MYCBP2: variants seen among roughly 807,000 people sequenced by gnomAD.
MYCBP2 encodes MYC binding protein 2.
MYCBP2 carries 120 observed loss-of-function variants against 525.3 expected under a neutral mutation model. The observed-to-expected ratio is 0.23, with a 90% CI of 0.20 to 0.27. The LOEUF is 0.27. Ranked by LOEUF, MYCBP2 falls within the 10% of genes least tolerant of loss-of-function variation. The pLI is 1.00. For synonymous variants in MYCBP2, 1,894 were observed against 1,955.8 expected, an observed-to-expected ratio of 0.97 and a Z score of 0.83; for missense variants, 4,149 against 5,657.1, an observed-to-expected ratio of 0.73 and a Z score of 8.55.
At chr13:77,173,381 T>C (rs1427054684) in intron 37 of MYCBP2, among the ~76,000 whole-genome samples, 4 of 152,224 alleles carry the variant, frequency 2.6e-5, no homozygotes, top group Non-Finnish European at 5.9e-5. Flanking sequence ...TAATGTACTA[T>C]TTATTGTAGT....
intron 27 of MYCBP2, among the ~76,000 whole-genome samples, chr13:77,192,509 T>C (rs1269078492): frequency 1.3e-5 from 2 of 152,126 alleles, no homozygotes; most frequent in Non-Finnish European, 1.5e-5. Flanking sequence ...GGAAGGAATG[T>C]TTATTGGTTG....
chr13:77,244,982 T>C (rs1055673120), intron 15 of MYCBP2, among the ~76,000 whole-genome samples: 1 of 152,172 alleles, frequency 6.6e-6, no homozygotes, highest in African/African-American at 2.4e-5. Flanking sequence ...CGAAGACATT[T>C]ATGCAGCCAA....
chr13:77,193,458 T>C (rs2061478257), intron 27 of MYCBP2, among the ~76,000 whole-genome samples: 1 of 152,132 alleles, frequency 6.6e-6, no homozygotes, highest in Non-Finnish European at 1.5e-5. Context: ...CCTAACATAG[T>C]TATTGTTGGG....
Position 77,166,160 on chromosome 13 carries a change from C to T in MYCBP2, c.6340+169G>A, listed in dbSNP as rs538654433. Among the ~76,000 whole-genome samples the T allele has an allele frequency of 4.6e-5, 7 of 152,252 alleles. No homozygotes were observed. In the South Asian group the frequency reaches 1.0e-3, roughly 23 times the overall value. On this transcript the variant is annotated intron_variant, in intron 41 of 82. Coordinates refer to ENST00000544440, the MANE Select transcript of MYCBP2 (RefSeq NM_015057.5). ...TCTCCAAAACTCAGATCAGGCTGTG[C>T]CCCTTGCCCAGGGTACCTTATTTAT...
At chr13:77,104,765 T>C (rs1052026287) in intron 55 of MYCBP2, among the ~76,000 whole-genome samples, 1 of 152,084 alleles carries the variant, frequency 6.6e-6, no homozygotes, top group Non-Finnish European at 1.5e-5. Context: ...AGTCACAGAC[T>C]GACTACAGCA....
intron 26 of MYCBP2, among the ~76,000 whole-genome samples, chr13:77,198,673 T>C (rs1409374603): frequency 6.6e-6 from 1 of 152,244 alleles, no homozygotes; most frequent in African/African-American, 2.4e-5. Context: ...TGGATACGAA[T>C]AGGTGTGGTA....
At chr13:77,118,478 T>C (rs1188103417) in intron 55 of MYCBP2, 5 of 764,860 alleles carry the variant, frequency 6.5e-6, no homozygotes, top group Non-Finnish European at 4.8e-6. Context: ...GAATTCAATA[T>C]GGCACTCAGT....
intron 1 of MYCBP2, among the ~76,000 whole-genome samples, chr13:77,319,214 T>C (rs1030525538): frequency 6.6e-6 from 1 of 152,088 alleles, no homozygotes; most frequent in Non-Finnish European, 1.5e-5. Context: ...GGTTTGGTGA[T>C]AGTCAGTAGG....
intron 29 of MYCBP2, among the ~76,000 whole-genome samples, chr13:77,189,441 T>G (rs1274637555): frequency 6.6e-6 from 1 of 152,146 alleles, no homozygotes; most frequent in Non-Finnish European, 1.5e-5. Flanking sequence ...TTACAAACAG[T>G]AACTATAACA....
At chr13:77,317,902 A>G (rs1056535537) in intron 1 of MYCBP2, among the ~76,000 whole-genome samples, 1 of 152,126 alleles carries the variant, frequency 6.6e-6, no homozygotes, top group Non-Finnish European at 1.5e-5. Flanking sequence ...ACGCCATTGC[A>G]CTCCAGCTTG....
intron 18 of MYCBP2, among the ~76,000 whole-genome samples, chr13:77,227,343 TA>T (rs548646689): frequency 0.097 from 8,246 of 85,294 alleles, 332 homozygotes; most frequent in African/African-American, 0.17. Flanking sequence ...ATGGATGGAC[TA>T]AAAAAAAAAA....
chr13:77,225,886 T>C (rs1416165945), intron 18 of MYCBP2, among the ~76,000 whole-genome samples: 2 of 152,214 alleles, frequency 1.3e-5, no homozygotes, highest in Non-Finnish European at 2.9e-5. Flanking sequence ...GAAAATTTAG[T>C]TTCCATAAAA....
intron 54 of MYCBP2, among the ~76,000 whole-genome samples, chr13:77,124,556 A>G (rs2051322637): frequency 6.6e-6 from 1 of 152,224 alleles, no homozygotes; most frequent in East Asian, 1.9e-4. Context: ...AGCAACTAGT[A>G]TGTGTCAAAA....
At chr13:77,155,790 A>C (rs2057142357) in intron 46 of MYCBP2, among the ~76,000 whole-genome samples, 1 of 152,140 alleles carries the variant, frequency 6.6e-6, no homozygotes, top group African/African-American at 2.4e-5. Flanking sequence ...TGTGTCTAGC[A>C]CTCTTTAGAT....
intron 3 of MYCBP2, among the ~76,000 whole-genome samples, chr13:77,279,587 T>G (rs942191016): frequency 6.6e-6 from 1 of 152,182 alleles, no homozygotes; most frequent in African/African-American, 2.4e-5. Context: ...ATTAAATTGT[T>G]TGGAGAAGTA....
intron 44 of MYCBP2, among the ~76,000 whole-genome samples, chr13:77,158,610 A>AT (rs972647023): frequency 7.9e-5 from 12 of 151,936 alleles, no homozygotes; most frequent in Non-Finnish European, 1.2e-4. Flanking sequence ...TGGCTGGCTA[A>AT]TTTTTTTTAA....
At chr13:77,125,854 A>AG (rs1407592179) in intron 53 of MYCBP2, among the ~76,000 whole-genome samples, 5 of 152,208 alleles carry the variant, frequency 3.3e-5, no homozygotes, top group Admixed American at 3.3e-4. Context: ...ACTGAGAAAT[A>AG]GCATGACACA....
At chr13:77,165,650 A>G (rs532167459) in intron 41 of MYCBP2, among the ~76,000 whole-genome samples, 2 of 152,332 alleles carry the variant, frequency 1.3e-5, no homozygotes, top group South Asian at 4.1e-4. Context: ...CCTGCTTAAT[A>G]AAGTACTTCA....
Position 77,326,911 on chromosome 13 carries a change from A to AG in MYCBP2, c.-137dup, listed in dbSNP as rs1294084759. 6 of 772,190 alleles carry AG rather than the reference A, an allele frequency of 7.8e-6. No individual in the cohort carries two copies. The highest frequency in any genetic ancestry group is 7.3e-6 in the Non-Finnish European group (4 of 547,630). 47.8% of individuals were successfully genotyped at this position (772,190 alleles called of 1,614,324 possible). A position where few individuals can be genotyped will look rare whatever the true frequency, so the allele number is the denominator to read the frequency against. On this transcript the variant is annotated 5_prime_UTR_variant, in exon 1 of 83. An upstream open reading frame in the 5' UTR loses its in-frame stop. Transcript: ENST00000544440. This position sits in a 1 kb window ranked among gnomAD's most constrained non-coding sequence, Gnocchi z 4.2. ...GGCTCCCGCAGCAGGGAGACTACAA[A>AG]GACAGCGACCTCCTTCTCCTCCTCC...
Sources: allele counts gnomAD v4.1 joint callset (sites outside exome capture counted in the v4.1 genomes callset), GRCh38; gene constraint gnomAD v4.1.1; non-coding constraint Gnocchi (gnomAD v3.1); transcripts MANE v1.5; gene names NCBI Gene and HGNC (gene_info 2026-07-23, HGNC 2026-07-21).